The following GAB1 variants were observed in gnomAD, a reference collection of about 807,000 sequenced individuals.
The protein encoded by GAB1 is GRB2-associated-binding protein 1.
Under a neutral mutation model 66.5 loss-of-function variants are expected in GAB1, and 19 were observed. That is an observed-to-expected ratio of 0.29 (90% CI 0.20 to 0.42). The LOEUF is 0.42. Among genes scored for constraint, GAB1 ranks in the 10% least tolerant of loss-of-function variants. The pLI is 1.00. For missense variants in GAB1, 732 were observed against 858.5 expected (o/e 0.85, Z 1.84); for synonymous variants, 294 against 301.4 (o/e 0.98, Z 0.25).
intron 6 of GAB1, among the ~76,000 whole-genome samples, chr4:143,449,618 C>A (rs916252528): frequency 5.3e-5 from 8 of 152,130 alleles, no homozygotes; most frequent in African/African-American, 1.9e-4. Flanking sequence ...GCAACCCCTG[C>A]CTTTTTTTGT....
At chr4:143,375,309 T>G (rs988180786) in intron 1 of GAB1, among the ~76,000 whole-genome samples, 3 of 152,232 alleles carry the variant, frequency 2.0e-5, no homozygotes, top group Non-Finnish European at 2.9e-5. Context: ...TTTTAAAACT[T>G]GCCAATGAAA....
At chr4:143,441,433 T>A (rs1209148771) in intron 6 of GAB1, among the ~76,000 whole-genome samples, 1 of 152,220 alleles carries the variant, frequency 6.6e-6, no homozygotes, top group African/African-American at 2.4e-5. Context: ...TAACCTGGGC[T>A]TAGATCATTA....
intron 1 of GAB1, among the ~76,000 whole-genome samples, chr4:143,399,462 G>C (rs1385335625): frequency 6.6e-6 from 1 of 152,194 alleles, no homozygotes; most frequent in Non-Finnish European, 1.5e-5. Flanking sequence ...TTTGTGCTTT[G>C]TGTTTTATAT....
intron 2 of GAB1, among the ~76,000 whole-genome samples, chr4:143,423,033 A>G (rs539401393): frequency 6.6e-6 from 1 of 152,354 alleles, no homozygotes; most frequent in South Asian, 2.1e-4. Flanking sequence ...AGTAGTATAG[A>G]ATAGAGGCAA....
chr4:143,351,729 GGA>G (rs1345957427), intron 1 of GAB1, among the ~76,000 whole-genome samples: 1 of 152,096 alleles, frequency 6.6e-6, no homozygotes, highest in Non-Finnish European at 1.5e-5. Flanking sequence ...GACAATTTCT[GGA>G]GACATTTTGG....
At chr4:143,355,432 A>AAAC (rs34564162) in intron 1 of GAB1, among the ~76,000 whole-genome samples, 96,004 of 149,338 alleles carry the variant, frequency 0.64, 30,600 homozygotes, top group East Asian at 0.74. Flanking sequence ...GTTTAAAACA[A>AAAC]AACAACAACA....
At chr4:143,354,148 A>G (rs1299986118) in intron 1 of GAB1, among the ~76,000 whole-genome samples, 1 of 152,126 alleles carries the variant, frequency 6.6e-6, no homozygotes, top group Non-Finnish European at 1.5e-5. Context: ...TGTACCCTGC[A>G]CTTTGAAGAC....
At chr4:143,392,261 A>G (rs528139135) in intron 1 of GAB1, among the ~76,000 whole-genome samples, 102 of 152,358 alleles carry the variant, frequency 6.7e-4, no homozygotes, top group African/African-American at 2.3e-3. Flanking sequence ...CAAAAATGGT[A>G]AAAATAATTA....
chr4:143,360,705 C>T (rs1315006316), intron 1 of GAB1, among the ~76,000 whole-genome samples: 2 of 151,996 alleles, frequency 1.3e-5, no homozygotes, highest in Non-Finnish European at 2.9e-5. Flanking sequence ...TTTCATGTGC[C>T]AAAGTTTTGT....
rs994767564 is a variant in GAB1 at position 143,409,909 on chromosome 4, A to G, written c.73-5568A>G. Among the ~76,000 whole-genome samples, 5 of 152,220 alleles carry G rather than the reference A, an allele frequency of 3.3e-5. No individual in the cohort carries two copies. In the South Asian group the frequency reaches 8.3e-4, roughly 25 times the overall value. On this transcript the variant is annotated intron_variant, in intron 1 of 9. Transcript: ENST00000262994. ...TTGAAATTTTACTTTAAAGAGCAATATAATCCTATTGATTGGATCTATGGT... is the reference window on the plus strand; with the variant it reads ...TTGAAATTTTACTTTAAAGAGCAATGTAATCCTATTGATTGGATCTATGGT...
intron 1 of GAB1, among the ~76,000 whole-genome samples, chr4:143,360,943 C>T (rs1435389415): frequency 1.3e-5 from 2 of 152,048 alleles, no homozygotes; most frequent in African/African-American, 2.4e-5. Context: ...TGCTTATTTC[C>T]AGTTTCAAAA....
chr4:143,398,133 T>C (rs1333897786), intron 1 of GAB1, among the ~76,000 whole-genome samples: 1 of 152,198 alleles, frequency 6.6e-6, no homozygotes, highest in Non-Finnish European at 1.5e-5. Flanking sequence ...CTTTCCTCCA[T>C]GAAAAAGCTG....
At chr4:143,363,104 A>C in intron 1 of GAB1, among the ~76,000 whole-genome samples, 1 of 152,308 alleles carries the variant, frequency 6.6e-6, no homozygotes, top group South Asian at 2.1e-4. Context: ...TGAAATTCAA[A>C]CCCGCATGTA....
At chr4:143,458,349 A>G (rs1330437662) in intron 6 of GAB1, among the ~76,000 whole-genome samples, 2 of 152,152 alleles carry the variant, frequency 1.3e-5, no homozygotes, top group Admixed American at 6.5e-5. Context: ...CAAAATACTT[A>G]TGAGCCTCAA....
rs74455339 is a variant in GAB1, at chr4:143,424,004, T to C, written c.367+8233T>C. 9.9e-3 allele frequency among the ~76,000 whole-genome samples: 1,499 copies of C among 151,690 alleles called. 32 individuals carry two copies. Among genetic ancestry groups the C allele is most frequent in the African/African-American group, 0.034 (1,397 of 41,392 alleles). ...GAAGGTTAAAAATGAGATGGTCCTA[T>C]TGTGTTAATAAAACAAAGTCAGACA... On this transcript the variant is annotated intron_variant, in intron 2 of 9. Coordinates refer to ENST00000262994, the MANE Select transcript of GAB1 (RefSeq NM_002039.4).
At chr4:143,355,457 C>T (rs191957225) in intron 1 of GAB1, among the ~76,000 whole-genome samples, 12 of 150,236 alleles carry the variant, frequency 8.0e-5, no homozygotes. Flanking sequence ...CAACACATAA[C>T]ATAAACTTGA....
At chr4:143,360,164 A>G (rs975250965) in intron 1 of GAB1, among the ~76,000 whole-genome samples, 4 of 152,048 alleles carry the variant, frequency 2.6e-5, no homozygotes, top group African/African-American at 7.3e-5. Flanking sequence ...TTTCTTTTGT[A>G]TAAGTAGATT....
At chr4:143,419,275 A>G (rs536565973) in intron 2 of GAB1, among the ~76,000 whole-genome samples, 5 of 152,284 alleles carry the variant, frequency 3.3e-5, no homozygotes, top group South Asian at 4.1e-4. Flanking sequence ...TTATGAATAT[A>G]GTTCTTGTGC....
intron 8 of GAB1, 133 bp from the exon 9 acceptor site, chr4:143,465,970 C>A (rs1735757591): frequency 1.2e-5 from 11 of 880,296 alleles, no homozygotes; most frequent in Non-Finnish European, 1.7e-5. Context: ...TTCTTTCTAT[C>A]CTAAAAGGTT....
Sources: allele counts gnomAD v4.1 joint callset (sites outside exome capture counted in the v4.1 genomes callset), GRCh38; gene constraint gnomAD v4.1.1; transcripts MANE v1.5; gene names NCBI Gene and HGNC (gene_info 2026-07-23, HGNC 2026-07-21).